The following PDE1C variants were observed in gnomAD, a reference collection of about 807,000 sequenced individuals.
PDE1C encodes phosphodiesterase 1C.
In PDE1C, 62 loss-of-function variants were observed where a neutral mutation model predicts 93.1. That is an observed-to-expected ratio of 0.67 (90% CI 0.54 to 0.82). The LOEUF is 0.82. PDE1C is among the 40% of genes least tolerant of loss of function. The pLI, the probability that PDE1C is intolerant of heterozygous loss-of-function variation, is 0.00. For missense variants in PDE1C, 742 were observed against 884.6 expected, an observed-to-expected ratio of 0.84 and a Z score of 2.04; for synonymous variants, 325 against 310.1, an observed-to-expected ratio of 1.05 and a Z score of -0.50.
intron 1 of PDE1C, among the ~76,000 whole-genome samples, chr7:32,266,533 A>T (rs1393033131): frequency 6.6e-6 from 1 of 152,218 alleles, no homozygotes; most frequent in African/African-American, 2.4e-5. Flanking sequence ...CGGCGATTAC[A>T]TGCTAATTGA....
chr7:32,194,543 T>C (rs1313183805), intron 2 of PDE1C, among the ~76,000 whole-genome samples: 2 of 152,242 alleles, frequency 1.3e-5, no homozygotes, highest in Admixed American at 6.5e-5. Context: ...TATTATTATA[T>C]AATGTTTCTC....
At chr7:32,060,130 TAGG>T (rs1794630566) in intron 1 of PDE1C, among the ~76,000 whole-genome samples, 2 of 151,868 alleles carry the variant, frequency 1.3e-5, no homozygotes, top group African/African-American at 4.8e-5. Context: ...AGGGGAGGAG[TAGG>T]GTTTTTTCTA....
At chr7:32,139,436 T>C (rs1270470485) in intron 3 of PDE1C, among the ~76,000 whole-genome samples, 4 of 148,500 alleles carry the variant, frequency 2.7e-5, no homozygotes. Flanking sequence ...AAACAACCAA[T>C]TCAAAAGGGA....
intron 1 of PDE1C, among the ~76,000 whole-genome samples, chr7:32,387,355 T>C (rs912824292): frequency 5.3e-5 from 8 of 151,556 alleles, no homozygotes; most frequent in Non-Finnish European, 8.9e-5. Flanking sequence ...AAAACCGCCA[T>C]TGTCATCATG....
At chr7:31,624,377 C>T in the PDE1C span, among the ~76,000 whole-genome samples, 2 of 146,396 alleles carry the variant, frequency 1.4e-5, no homozygotes, top group Non-Finnish European at 3.0e-5. Context: ...AACTATACTA[C>T]AAGGCTACAG....
chr7:32,040,490 G>A (rs554427073), intron 2 of PDE1C, among the ~76,000 whole-genome samples: 17 of 152,168 alleles, frequency 1.1e-4, no homozygotes, highest in East Asian at 3.9e-4. Flanking sequence ...AAATACCCTC[G>A]TAGGGCCAAA....
the PDE1C span, among the ~76,000 whole-genome samples, chr7:31,723,303 T>C: frequency 6.6e-6 from 1 of 152,218 alleles, no homozygotes; most frequent in Non-Finnish European, 1.5e-5. Context: ...TACCTTCCAC[T>C]TTTCCCATAT....
In PDE1C at chr7:32,376,156, C is replaced by CAAAA. The variant is rs201656470; in HGVS notation, c.310+51662_310+51665dup. ...TGCCTGGGTGACAGCGAGACTCTGT[C>CAAAA]AAAAAAAGAAAGAAAGAAAGAAAGA... On this transcript the variant is annotated intron_variant, in intron 1 of 1. Transcript: ENST00000672256. 6.8e-5 allele frequency among the ~76,000 whole-genome samples: 10 copies of CAAAA among 147,240 alleles called. 1 individual carries two copies. The highest frequency in any genetic ancestry group is 5.5e-4 in the Admixed American group (8 of 14,600).
At chr7:31,967,253 C>T (rs146160405) in intron 2 of PDE1C, among the ~76,000 whole-genome samples, 22,815 of 151,956 alleles carry the variant, frequency 0.15, 1,981 homozygotes, top group Admixed American at 0.27. Flanking sequence ...ATCAAACAGA[C>T]GCAATAAAAA....
chr7:32,089,151 A>G (rs556543591), intron 3 of PDE1C, among the ~76,000 whole-genome samples: 13 of 152,340 alleles, frequency 8.5e-5, no homozygotes, highest in Non-Finnish European at 1.8e-4. Context: ...CTTTCCCTAA[A>G]CATAAATACT....
At chr7:32,185,875 C>T (rs1241608887) in intron 2 of PDE1C, among the ~76,000 whole-genome samples, 4 of 152,124 alleles carry the variant, frequency 2.6e-5, no homozygotes, top group African/African-American at 9.7e-5. Context: ...TGCATAGCAC[C>T]AACAGAATTT....
At chr7:31,702,227 C>T in the PDE1C span, among the ~76,000 whole-genome samples, 15 of 150,420 alleles carry the variant, frequency 1.0e-4, no homozygotes, top group Non-Finnish European at 2.1e-4. Flanking sequence ...TTGCCTCTAC[C>T]AATAGATTGT....
At position 32,180,309 on chromosome 7, in the gene PDE1C, C is replaced by T. The variant is rs368106010; in HGVS notation, c.137-10353G>A. Reference sequence around the variant, plus strand: ...GGGGTGGGGAAAAGGACTCCCTCAACAAAATATAAGAATAAAATTTGATCT... The same window carrying T: ...GGGGTGGGGAAAAGGACTCCCTCAATAAAATATAAGAATAAAATTTGATCT... On this transcript the variant is annotated intron_variant, in intron 2 of 18. Transcript: ENST00000396193. Among the ~76,000 whole-genome samples, 9 of 152,260 alleles carry T rather than the reference C, an allele frequency of 5.9e-5. 2 individuals carry two copies.
chr7:32,319,298 G>GC (rs1483829237), intron 1 of PDE1C, among the ~76,000 whole-genome samples: 9 of 152,210 alleles, frequency 5.9e-5, no homozygotes, highest in African/African-American at 2.2e-4. Flanking sequence ...TTCATGGCGG[G>GC]CCTTCCACCC....
intron 1 of PDE1C, among the ~76,000 whole-genome samples, chr7:32,245,595 C>T (rs2128872046): frequency 6.6e-6 from 1 of 152,266 alleles, no homozygotes. Flanking sequence ...AGTTTATGGC[C>T]CTATGTTTTC....
chr7:31,964,667 T>G (rs9655332), intron 2 of PDE1C, among the ~76,000 whole-genome samples: 100,457 of 152,152 alleles, frequency 0.66, 34,266 homozygotes, highest in African/African-American at 0.83. Flanking sequence ...CCTCAAGTGG[T>G]TCCCTGACCC....
At chr7:31,809,738 T>C (rs1776006797) in intron 15 of PDE1C, among the ~76,000 whole-genome samples, 1 of 152,068 alleles carries the variant, frequency 6.6e-6, no homozygotes, top group African/African-American at 2.4e-5. Flanking sequence ...TGAAAATATA[T>C]TTGCTAAGTT....
intron 3 of PDE1C, among the ~76,000 whole-genome samples, chr7:32,091,091 A>G (rs1797444354): frequency 6.6e-6 from 1 of 152,202 alleles, no homozygotes; most frequent in African/African-American, 2.4e-5. Context: ...TGTGCCTTTC[A>G]TATTCACCTA....
chr7:31,731,549 C>T, the PDE1C span, among the ~76,000 whole-genome samples: 2 of 152,258 alleles, frequency 1.3e-5, no homozygotes, highest in Non-Finnish European at 2.9e-5. Context: ...TAATCCTAGC[C>T]TGGCTAATTT....
Sources: gnomAD v4.1 joint callset for allele counts (sites outside exome capture counted in the v4.1 genomes callset) on GRCh38, gnomAD v4.1.1 for gene constraint, MANE v1.5 for transcripts, NCBI Gene and HGNC (gene_info 2026-07-23, HGNC 2026-07-21) for gene names.